PDE11A: variants seen among roughly 807,000 people sequenced by gnomAD.
The protein encoded by PDE11A is dual 3',5'-cyclic-AMP and -GMP phosphodiesterase 11A.
Under a neutral mutation model 100.5 loss-of-function variants are expected in PDE11A, and 100 were observed. The ratio of observed to expected loss-of-function variants is 1.00; its 90% confidence interval spans 0.85 to 1.18. PDE11A has a LOEUF of 1.18. PDE11A is among the 50% of genes most tolerant of loss of function. The probability of loss-of-function intolerance (pLI) is 0.00; values close to 1 mark genes in which losing one functional copy is unlikely to be tolerated. For missense variants in PDE11A, 1,141 were observed against 1,152.6 expected (o/e 0.99, Z 0.15); for synonymous variants, 381 against 420.8 (o/e 0.91, Z 1.16).
intron 1 of PDE11A, among the ~76,000 whole-genome samples, chr2:178,014,937 G>A (rs2086317286): frequency 6.6e-6 from 1 of 152,004 alleles, no homozygotes; most frequent in African/African-American, 2.4e-5. Context: ...AAGATGTGGG[G>A]TATGGGGAGA....
intron 19 of PDE11A, among the ~76,000 whole-genome samples, chr2:177,649,534 C>T (rs1372327025): frequency 6.6e-6 from 1 of 152,104 alleles, no homozygotes; most frequent in African/African-American, 2.4e-5. Context: ...AGGATATACA[C>T]TATGCTCATA....
chr2:178,045,717 G>T (rs2086740934), intron 1 of PDE11A, among the ~76,000 whole-genome samples: 1 of 152,218 alleles, frequency 6.6e-6, no homozygotes, highest in South Asian at 2.1e-4. Flanking sequence ...AAACCATGAA[G>T]TTTCCTGAGG....
chr2:177,910,579 G>A (rs1411468568), intron 2 of PDE11A, among the ~76,000 whole-genome samples: 2 of 152,190 alleles, frequency 1.3e-5, no homozygotes, highest in East Asian at 3.9e-4. Flanking sequence ...AAGCCTTAAT[G>A]ACTAAGAAGC....
At chr2:177,689,175 C>T (rs903713243) in intron 15 of PDE11A, among the ~76,000 whole-genome samples, 5 of 152,126 alleles carry the variant, frequency 3.3e-5, no homozygotes, top group South Asian at 4.2e-4. Context: ...CTCCTCCTCT[C>T]GGGTTCAAGA....
chr2:177,712,705 GA>G (rs1413217031), intron 12 of PDE11A, among the ~76,000 whole-genome samples: 1 of 152,202 alleles, frequency 6.6e-6, no homozygotes, highest in Non-Finnish European at 1.5e-5. Context: ...CATTAGTTTA[GA>G]AGAGGAAGTG....
chr2:178,042,110 T>C (rs911942569), intron 1 of PDE11A, among the ~76,000 whole-genome samples: 3 of 152,246 alleles, frequency 2.0e-5, no homozygotes, highest in African/African-American at 7.2e-5. Context: ...AATTTTCTTA[T>C]GCAGCCTCAG....
At chr2:177,905,354 A>G (rs377651697) in intron 2 of PDE11A, among the ~76,000 whole-genome samples, 167 bp from the exon 3 acceptor site, 5 of 152,374 alleles carry the variant, frequency 3.3e-5, no homozygotes, top group East Asian at 1.9e-4. Flanking sequence ...TTCATTATGA[A>G]TATTTTTCAA....
rs767560338 is a variant in PDE11A, at chr2:177,728,092, C to G, written c.1869G>C (p.Met623Ile). 6.8e-6 allele frequency: 11 copies of G among 1,612,662 alleles called. No individual in the cohort carries two copies. Among genetic ancestry groups the G allele is most frequent in the Admixed American group, 1.7e-5 (1 of 59,916 alleles). ...FDDFSLDVDA[M>I]ITAALRMFME... ...TGAACATCCGGAGAGCAGCTGTGAT[C>G]ATGGCATCAACGTCGAGAGAAAAGT... Residue 623 changes from methionine (M) to isoleucine (I), a missense_variant, in exon 11 of 20, where the codon ATG becomes ATC. Physicochemically the swap from Met to Ile is conservative, Grantham distance 10. Transcript: ENST00000286063.
intron 4 of PDE11A, among the ~76,000 whole-genome samples, chr2:177,890,002 G>A (rs78467885): frequency 0.1 from 15,887 of 152,058 alleles, 1,142 homozygotes; most frequent in Non-Finnish European, 0.15. Flanking sequence ...TGGATGGGGA[G>A]GGTGAAGTCA....
chr2:177,760,918 C>A (rs1287586614), intron 10 of PDE11A, among the ~76,000 whole-genome samples: 1 of 152,094 alleles, frequency 6.6e-6, no homozygotes, highest in Non-Finnish European at 1.5e-5. Context: ...ATAGGAAGAA[C>A]AGCCAAACCA....
At chr2:177,779,484 G>A (rs530718441) in intron 9 of PDE11A, among the ~76,000 whole-genome samples, 1 of 152,162 alleles carries the variant, frequency 6.6e-6, no homozygotes, top group Admixed American at 6.5e-5. Context: ...CTCAATTCCT[G>A]CCACTGTTTT....
At chr2:178,034,153 T>C (rs2086581065) in intron 1 of PDE11A, among the ~76,000 whole-genome samples, 1 of 151,796 alleles carries the variant, frequency 6.6e-6, no homozygotes, top group Non-Finnish European at 1.5e-5. Context: ...AGGAGACCCA[T>C]CTCACGTGCA....
chr2:177,688,223 C>T (rs1237829391), intron 15 of PDE11A: 1 of 152,230 alleles, frequency 6.6e-6, no homozygotes, highest in East Asian at 1.9e-4. Context: ...AGGGTTCTTT[C>T]CATCATCAAT....
At chr2:177,791,353 C>T (rs538250609) in intron 9 of PDE11A, among the ~76,000 whole-genome samples, 18 of 128,406 alleles carry the variant, frequency 1.4e-4, no homozygotes, top group Non-Finnish European at 2.5e-4. Flanking sequence ...CACGTGGACA[C>T]AGGAAGGGGA....
rs1559062327 is a variant in PDE11A, at chr2:178,071,625, GCTGCTGCAAGGCAGCAGAGGTGTTC to G, written c.788_812del (p.Gly263AlafsTer45). 1 of 1,613,208 alleles carries G rather than the reference GCTGCTGCAAGGCAGCAGAGGTGTTC, an allele frequency of 6.2e-7. No individual in the cohort carries two copies. Among genetic ancestry groups the G allele is most frequent in the South Asian group, 1.1e-5 (1 of 91,060 alleles). On this transcript the variant is annotated frameshift_variant, in exon 1 of 20. Transcript: ENST00000286063. LOFTEE classifies it high-confidence loss of function. ...CCTGCACCTCATTTGAGTTCTCTGT[GCTGCTGCAAGGCAGCAGAGGTGTTC>G]CTGCATGCACATCAAAGAATTTGGA...
intron 2 of PDE11A, among the ~76,000 whole-genome samples, chr2:177,935,432 T>C (rs1442677788): frequency 6.6e-6 from 1 of 152,226 alleles, no homozygotes; most frequent in Non-Finnish European, 1.5e-5. Context: ...TTTACCATAT[T>C]GATTTATATA....
Position 177,820,617 on chromosome 2 carries a change from C to T in PDE11A, c.1501-322G>A, listed in dbSNP as rs372137628. On this transcript the variant is annotated intron_variant, in intron 6 of 19. Coordinates refer to ENST00000286063, the MANE Select transcript of PDE11A (RefSeq NM_016953.4). The stretch of plus-strand genomic sequence containing the variant: ...CCACACCACTAGACAAGAATTCCAG[C>T]AACTGTTTCTCCTCTGGGTATTTAA... 1.6e-3 allele frequency among the ~76,000 whole-genome samples: 240 copies of T among 152,046 alleles called. 2 individuals carry two copies. The highest frequency in any genetic ancestry group is 5.6e-3 in the African/African-American group (231 of 41,538).
At chr2:178,057,155 C>G (rs1018342253) in intron 1 of PDE11A, among the ~76,000 whole-genome samples, 5 of 152,168 alleles carry the variant, frequency 3.3e-5, no homozygotes, top group Non-Finnish European at 7.3e-5. Flanking sequence ...GTTGTGATCA[C>G]TGTCTTTGGA....
intron 9 of PDE11A, among the ~76,000 whole-genome samples, chr2:177,802,368 G>T (rs1180269683): frequency 6.6e-6 from 1 of 151,942 alleles, no homozygotes. Flanking sequence ...TAGCCCAAGA[G>T]AAATCATAGC....
Sources: allele counts gnomAD v4.1 joint callset (sites outside exome capture counted in the v4.1 genomes callset), GRCh38; gene constraint gnomAD v4.1.1; transcripts MANE v1.5; gene names NCBI Gene and HGNC (gene_info 2026-07-23, HGNC 2026-07-21).